The following SPOCK1 variants were observed in gnomAD, a reference collection of about 807,000 sequenced individuals.
SPOCK1 encodes SPARC (osteonectin), cwcv and kazal like domains proteoglycan 1, also known as testican-1.
In SPOCK1, 23 loss-of-function variants were observed where a neutral mutation model predicts 55.3. That is an observed-to-expected ratio of 0.42 (90% CI 0.30 to 0.59). The LOEUF (loss-of-function observed/expected upper bound fraction) is 0.59. Ranked by LOEUF, SPOCK1 falls within the 20% of genes least tolerant of loss-of-function variation. SPOCK1 has a pLI of 0.22. For missense variants in SPOCK1, 499 were observed against 552.5 expected, an observed-to-expected ratio of 0.90 and a Z score of 0.97; for synonymous variants, 226 against 221.0, an observed-to-expected ratio of 1.02 and a Z score of -0.20.
intron 2 of SPOCK1, among the ~76,000 whole-genome samples, chr5:137,446,545 T>C (rs1753132170): frequency 6.6e-6 from 1 of 152,174 alleles, no homozygotes; most frequent in African/African-American, 2.4e-5. Flanking sequence ...GAGGAAGGTA[T>C]GTGAGATGCA....
At chr5:137,185,696 G>A (rs1350634563) in intron 3 of SPOCK1, among the ~76,000 whole-genome samples, 2 of 150,788 alleles carry the variant, frequency 1.3e-5, no homozygotes, top group African/African-American at 2.5e-5. Flanking sequence ...ATGGACTACC[G>A]TGGTGCCAGG....
At chr5:136,997,656 G>A (rs1192166571) in intron 6 of SPOCK1, among the ~76,000 whole-genome samples, 1 of 152,120 alleles carries the variant, frequency 6.6e-6, no homozygotes, top group Non-Finnish European at 1.5e-5. Context: ...CTTCTATTGG[G>A]AAACAAACAC....
rs538744028 is a variant in SPOCK1 at position 137,292,642 on chromosome 5, G to A, written c.187-25587C>T. On this transcript the variant is annotated intron_variant, in intron 2 of 10. Coordinates refer to ENST00000394945, the MANE Select transcript of SPOCK1 (RefSeq NM_004598.4). ...TCTTCTGCACATGAATCTCTACAGC[G>A]TAATGCACTGACGCATCTTTAAGAT... 5.9e-5 allele frequency among the ~76,000 whole-genome samples: 9 copies of A among 152,148 alleles called. No homozygotes were observed. The South Asian group carries it at 1.2e-3, about 21-fold the overall frequency.
intron 3 of SPOCK1, among the ~76,000 whole-genome samples, chr5:137,265,357 A>C (rs1454421537): frequency 2.0e-5 from 3 of 152,230 alleles, no homozygotes; most frequent in Admixed American, 2.0e-4. Context: ...TTATAGCACA[A>C]GAACCTATTT....
intron 3 of SPOCK1, among the ~76,000 whole-genome samples, chr5:137,229,629 C>G (rs982352108): frequency 6.6e-6 from 1 of 152,188 alleles, no homozygotes. Flanking sequence ...AAGCTAGGAG[C>G]AGCCTTGTCA....
intron 6 of SPOCK1, among the ~76,000 whole-genome samples, chr5:137,012,319 G>A (rs1442747378): frequency 6.6e-6 from 1 of 152,096 alleles, no homozygotes; most frequent in East Asian, 1.9e-4. Flanking sequence ...TTAAAAAGAG[G>A]TTCTAATTGC....
intron 2 of SPOCK1, among the ~76,000 whole-genome samples, chr5:137,400,140 G>A (rs1362127476): frequency 6.6e-6 from 1 of 152,212 alleles, no homozygotes; most frequent in Non-Finnish European, 1.5e-5. Flanking sequence ...TTGCCCCTCT[G>A]CAGTCAGTGT....
At chr5:137,336,372 T>A (rs189162454) in intron 2 of SPOCK1, among the ~76,000 whole-genome samples, 89 of 152,344 alleles carry the variant, frequency 5.8e-4, no homozygotes, top group African/African-American at 2.1e-3. Flanking sequence ...GCTGGAGCTG[T>A]GGGCAGCACA....
At chr5:137,133,725 T>C (rs574858737) in intron 4 of SPOCK1, among the ~76,000 whole-genome samples, 177 of 152,338 alleles carry the variant, frequency 1.2e-3, no homozygotes, top group African/African-American at 3.7e-3. Context: ...ATTGTGGGTT[T>C]AAAGTAATTA....
intron 3 of SPOCK1, among the ~76,000 whole-genome samples, chr5:137,205,721 A>G (rs1755507817): frequency 6.6e-6 from 1 of 152,222 alleles, no homozygotes; most frequent in African/African-American, 2.4e-5. Context: ...ACTTGTTACA[A>G]ACAGACTGAA....
intron 3 of SPOCK1, among the ~76,000 whole-genome samples, chr5:137,174,794 C>T (rs1382353498): frequency 6.6e-6 from 1 of 152,196 alleles, no homozygotes. Flanking sequence ...AGTCCTGGCC[C>T]TTCACCAGAC....
At chr5:137,387,991 G>GAGA (rs147834455) in intron 2 of SPOCK1, among the ~76,000 whole-genome samples, 14,511 of 152,148 alleles carry the variant, frequency 0.095, 1,620 homozygotes, top group African/African-American at 0.28. Flanking sequence ...AAGTCACAGA[G>GAGA]AGAAGGGACA....
intron 6 of SPOCK1, among the ~76,000 whole-genome samples, chr5:137,059,788 G>T (rs1311630691): frequency 3.9e-5 from 6 of 152,132 alleles, no homozygotes; most frequent in Non-Finnish European, 7.4e-5. Context: ...TAAAAAGTGG[G>T]CAAGGGACAT....
At chr5:137,432,716 C>A (rs891433658) in intron 2 of SPOCK1, among the ~76,000 whole-genome samples, 2 of 152,260 alleles carry the variant, frequency 1.3e-5, no homozygotes, top group South Asian at 4.1e-4. Context: ...CACAGAAGTT[C>A]ACAGATTAAA....
chr5:137,185,489 C>G (rs1755051276), intron 3 of SPOCK1, among the ~76,000 whole-genome samples: 1 of 152,188 alleles, frequency 6.6e-6, no homozygotes, highest in Admixed American at 6.5e-5. Flanking sequence ...TAATTTGTTG[C>G]ATTTCTCTTT....
chr5:137,007,773 G>A (rs751585973), intron 6 of SPOCK1, among the ~76,000 whole-genome samples: 21 of 152,124 alleles, frequency 1.4e-4, no homozygotes, highest in Non-Finnish European at 2.8e-4. Context: ...ATTTGACCCA[G>A]CAATCTCATT....
intron 5 of SPOCK1, among the ~76,000 whole-genome samples, chr5:137,077,280 T>C (rs776278683): frequency 6.6e-6 from 1 of 152,210 alleles, no homozygotes; most frequent in Non-Finnish European, 1.5e-5. Context: ...CAGTGCTATG[T>C]GTAATGACTC....
At chr5:137,051,967 C>T (rs1030339458) in intron 6 of SPOCK1, among the ~76,000 whole-genome samples, 2 of 152,140 alleles carry the variant, frequency 1.3e-5, no homozygotes, top group South Asian at 2.1e-4. Context: ...TAGGACCATG[C>T]GTGACTGTAC....
At chr5:137,442,587 T>C (rs2149832492) in intron 2 of SPOCK1, among the ~76,000 whole-genome samples, 1 of 152,328 alleles carries the variant, frequency 6.6e-6, no homozygotes, top group East Asian at 1.9e-4. Flanking sequence ...CAGATTCAGG[T>C]GTGTGCCCAC....
Sources: gnomAD v4.1 joint callset for allele counts (sites outside exome capture counted in the v4.1 genomes callset) on GRCh38, gnomAD v4.1.1 for gene constraint, MANE v1.5 for transcripts, NCBI Gene and HGNC (gene_info 2026-07-23, HGNC 2026-07-21) for gene names.